Variants in NWD2 observed in about 807,000 individuals in gnomAD.
The protein encoded by NWD2 is NACHT and WD repeat domain-containing protein 2.
Under a neutral mutation model 132.7 loss-of-function variants are expected in NWD2, and 37 were observed. The ratio of observed to expected loss-of-function variants is 0.28; its 90% CI spans 0.21 to 0.37. The LOEUF (loss-of-function observed/expected upper bound fraction) is 0.37, where lower values mean the gene tolerates loss of function less well. NWD2 is among the 10% of genes least tolerant of loss of function. NWD2 has a pLI of 1.00. For synonymous variants in NWD2, 705 were observed against 803.0 expected, an observed-to-expected ratio of 0.88 and a Z score of 2.06; for missense variants, 1,592 against 2,122.4, an observed-to-expected ratio of 0.75 and a Z score of 4.91.
In NWD2 at chr4:37,446,247, C is replaced by T; in HGVS notation, c.4259C>T (p.Ala1420Val). The stretch of plus-strand genomic sequence containing the variant: ...GTGGTCTCGCTCTGTGAGGAAAATG[C>T]CTCCAGGGTTTGGAGGCTCGCCACA... ...QFVVSLCEEN[A>V]SRVWRLATGH... Residue 1420 changes from alanine to valine, a missense_variant, in exon 7 of 7, where the codon GCC (alanine) becomes GTC (valine). Coordinates refer to ENST00000309447, the MANE Select transcript of NWD2 (RefSeq NM_001144990.2). The surrounding 1 kb of genome is among the most constrained non-coding windows in gnomAD (Gnocchi z 6.7). The T allele has an allele frequency of 6.4e-7, 1 of 1,551,664 alleles. No individual in the cohort carries two copies. Among genetic ancestry groups the T allele is most frequent in the Non-Finnish European group, 8.7e-7 (1 of 1,146,990 alleles).
intron 2 of NWD2, among the ~76,000 whole-genome samples, chr4:37,332,752 C>T (rs925713919): frequency 4.6e-5 from 7 of 152,264 alleles, no homozygotes; most frequent in African/African-American, 1.2e-4. Flanking sequence ...GGTACCAGCT[C>T]GGCCACAGTA....
At chr4:37,350,662 GA>G (rs1405040941) in intron 2 of NWD2, among the ~76,000 whole-genome samples, 1 of 152,118 alleles carries the variant, frequency 6.6e-6, no homozygotes, top group Non-Finnish European at 1.5e-5. Context: ...CTTCTTATCT[GA>G]ATACCCTTTA....
intron 1 of NWD2, among the ~76,000 whole-genome samples, chr4:37,324,093 C>T (rs990191342): frequency 2.0e-5 from 3 of 152,042 alleles, no homozygotes; most frequent in African/African-American, 7.2e-5. Flanking sequence ...GTACTATGCT[C>T]ACTACCTGGA....
intron 1 of NWD2, among the ~76,000 whole-genome samples, chr4:37,325,015 T>TTACA (rs1219875869): frequency 6.6e-6 from 1 of 152,176 alleles, no homozygotes; most frequent in African/African-American, 2.4e-5. Context: ...TTTCATAAGA[T>TTACA]TACACATTAA....
chr4:37,355,497 C>G (rs369503445), intron 2 of NWD2, among the ~76,000 whole-genome samples: 1 of 152,094 alleles, frequency 6.6e-6, no homozygotes. Flanking sequence ...TTCCATCTCA[C>G]CAAATGCCGT....
intron 2 of NWD2, among the ~76,000 whole-genome samples, chr4:37,333,441 T>C (rs1027984506): frequency 2.0e-5 from 3 of 152,184 alleles, no homozygotes; most frequent in Admixed American, 6.5e-5. Context: ...GATCTCTGCC[T>C]GGTAATCCAG....
intron 1 of NWD2, among the ~76,000 whole-genome samples, chr4:37,246,617 A>G (rs1577642624): frequency 1.3e-5 from 2 of 152,350 alleles, no homozygotes; most frequent in South Asian, 2.1e-4. Context: ...TATTCAGCCT[A>G]TTTAAGGCAA....
At chr4:37,343,010 A>G (rs1183323943) in intron 2 of NWD2, among the ~76,000 whole-genome samples, 2 of 152,190 alleles carry the variant, frequency 1.3e-5, no homozygotes, top group Non-Finnish European at 2.9e-5. Flanking sequence ...CTCAGTATTC[A>G]CAATAGTTCT....
chr4:37,370,600 A>G (rs1720197461), intron 3 of NWD2, among the ~76,000 whole-genome samples: 1 of 152,218 alleles, frequency 6.6e-6, no homozygotes, highest in African/African-American at 2.4e-5. Flanking sequence ...AGTTATAAAT[A>G]TGGAGGTGAC....
chr4:37,405,579 A>G (rs1027791950), intron 3 of NWD2, among the ~76,000 whole-genome samples: 1 of 152,224 alleles, frequency 6.6e-6, no homozygotes, highest in Non-Finnish European at 1.5e-5. Flanking sequence ...TTCTGATTCT[A>G]TAGGTCTGGG....
intron 1 of NWD2, among the ~76,000 whole-genome samples, chr4:37,275,262 C>G (rs954110879): frequency 2.0e-5 from 3 of 152,106 alleles, no homozygotes; most frequent in Non-Finnish European, 4.4e-5. Flanking sequence ...GTGCAAAAAT[C>G]ACAAGCATTC....
At chr4:37,365,111 G>A (rs1720071131) in intron 3 of NWD2, among the ~76,000 whole-genome samples, 1 of 152,088 alleles carries the variant, frequency 6.6e-6, no homozygotes, top group South Asian at 2.1e-4. Flanking sequence ...TCTCCTTACA[G>A]TTTAGTTTCT....
intron 1 of NWD2, among the ~76,000 whole-genome samples, chr4:37,314,352 A>C (rs1718915437): frequency 6.6e-6 from 1 of 152,138 alleles, no homozygotes; most frequent in South Asian, 2.1e-4. Flanking sequence ...AAAGATTTGC[A>C]AAGGATTAAT....
At chr4:37,394,185 A>G (rs139704866) in intron 3 of NWD2, among the ~76,000 whole-genome samples, 5,399 of 152,342 alleles carry the variant, frequency 0.035, 109 homozygotes, top group Middle Eastern at 0.068. Context: ...AAGTAAATGT[A>G]TAATCTCACC....
At chr4:37,269,005 G>A (rs1380785261) in intron 1 of NWD2, among the ~76,000 whole-genome samples, 1 of 151,866 alleles carries the variant, frequency 6.6e-6, no homozygotes, top group Non-Finnish European at 1.5e-5. Context: ...AGTAAGGTCA[G>A]TTAGAGGGAA....
chr4:37,369,355 T>A (rs1415598773), intron 3 of NWD2, among the ~76,000 whole-genome samples: 1 of 152,212 alleles, frequency 6.6e-6, no homozygotes, highest in Non-Finnish European at 1.5e-5. Flanking sequence ...GGGATTTTAA[T>A]GTGACCATCA....
At position 37,405,985 on chromosome 4, in the gene NWD2, TAATTA is replaced by T. The variant is rs151294198; in HGVS notation, c.358-24583_358-24579del. ...AACTGTTAAATTGTAATTTCTTCAC[TAATTA>T]AATAAGTGGTTTCTAAACTGTTCAG... On this transcript the variant is annotated intron_variant, in intron 3 of 6. Coordinates refer to ENST00000309447, the MANE Select transcript of NWD2 (RefSeq NM_001144990.2). 1.8e-3 allele frequency among the ~76,000 whole-genome samples: 268 copies of T among 152,356 alleles called. 2 individuals carry two copies. Among genetic ancestry groups the T allele is most frequent in the African/African-American group, 6.1e-3 (254 of 41,590 alleles).
intron 2 of NWD2, among the ~76,000 whole-genome samples, chr4:37,334,542 T>C (rs1719359851): frequency 6.6e-6 from 1 of 152,212 alleles, no homozygotes; most frequent in Admixed American, 6.5e-5. Flanking sequence ...AAGGCCTAGC[T>C]TTCCCAAGAC....
At chr4:37,392,140 G>T (rs1214268763) in intron 3 of NWD2, among the ~76,000 whole-genome samples, 2 of 152,294 alleles carry the variant, frequency 1.3e-5, no homozygotes, top group South Asian at 2.1e-4. Context: ...GGCAGAGGTT[G>T]CAGTAAGCCG....
Sources: gnomAD v4.1 joint callset for allele counts (sites outside exome capture counted in the v4.1 genomes callset) on GRCh38, gnomAD v4.1.1 for gene constraint, Gnocchi (gnomAD v3.1) non-coding constraint, MANE v1.5 for transcripts, NCBI Gene and HGNC (gene_info 2026-07-23, HGNC 2026-07-21) for gene names.